The following MYO10 variants were observed in gnomAD, a reference collection of about 807,000 sequenced individuals.
The protein encoded by MYO10 is myosin X.
Under a neutral mutation model 257.3 loss-of-function variants are expected in MYO10, and 133 were observed. That is an observed-to-expected ratio of 0.52 (90% CI 0.45 to 0.60). The LOEUF (loss-of-function observed/expected upper bound fraction) is 0.60. Ranked by LOEUF, MYO10 falls within the 20% of genes least tolerant of loss-of-function variation. The pLI is 0.00. For synonymous variants in MYO10, 1,104 were observed against 1,028.6 expected (o/e 1.07, Z -1.40); for missense variants, 2,399 against 2,635.7 (o/e 0.91, Z 1.97).
chr5:16,768,975 C>G (rs1740965887), intron 10 of MYO10, 99 bp downstream of exon 10: 9 of 1,408,230 alleles, frequency 6.4e-6, no homozygotes. Flanking sequence ...CGCACCTGGC[C>G]AGAATTTTCT....
rs778414804 is a variant in MYO10, at chr5:16,781,806, T to C, written c.626A>G (p.Asn209Ser). Residue 209 changes from asparagine to serine, a missense_variant, in exon 6 of 41, where the codon AAT becomes AGT. Asn to Ser is a conservative substitution (Grantham distance 46, BLOSUM62 1). Transcript: ENST00000513610. ...ESSPIMEAFGNAKTVYNNNSS... is the reference protein window; with the variant it reads ...ESSPIMEAFGSAKTVYNNNSS... Reference sequence around the variant, plus strand: ...GTTGTTGTTGTACACGGTCTTCGCATTGCCGAAAGCTTCCATGATGGGGCT... The same window carrying C: ...GTTGTTGTTGTACACGGTCTTCGCACTGCCGAAAGCTTCCATGATGGGGCT... The C allele has an allele frequency of 6.2e-6, 10 of 1,614,032 alleles. No individual in the cohort carries two copies. The highest frequency in any genetic ancestry group is 1.6e-4 in the Middle Eastern group (1 of 6,062).
Position 16,936,013 on chromosome 5 carries a change from G to T in MYO10, c.-205C>A. The T allele has an allele frequency of 3.3e-6, 2 of 611,828 alleles. No individual in the cohort carries two copies. The highest frequency in any genetic ancestry group is 2.0e-5 in the South Asian group (1 of 50,876). 37.9% of individuals were successfully genotyped at this position (611,828 alleles called of 1,614,324 possible). ...CCCAAGTCCCTAACTCGCCCGTCCC[G>T]ACGGCAGCCTTTGTCTCTTCTTCCT... On this transcript the variant is annotated 5_prime_UTR_variant, in exon 1 of 41. Transcript: ENST00000513610.
At chr5:16,927,357 C>T (rs1185302278) in intron 1 of MYO10, among the ~76,000 whole-genome samples, 1 of 152,166 alleles carries the variant, frequency 6.6e-6, no homozygotes, top group East Asian at 1.9e-4. Flanking sequence ...TGGAGTCTTG[C>T]TCTGTTGCCC....
At chr5:16,858,441 T>TAAAAAA (rs56792705) in intron 2 of MYO10, among the ~76,000 whole-genome samples, 6,979 of 135,128 alleles carry the variant, frequency 0.052, 245 homozygotes, top group Non-Finnish European at 0.082. Context: ...GCTACTTTTG[T>TAAAAAA]AAAAAAAAAA....
In MYO10 at chr5:16,818,172, G is replaced by A. The variant is rs778668019; in HGVS notation, c.121-5C>T. ...GCTCTGCTTGTAAGTGAATACCTGA[G>A]GGAGGGAGAGGAATTCAATTATTTC... On this transcript the variant is annotated splice_polypyrimidine_tract_variant and splice_region_variant and intron_variant, in intron 2 of 40. Coordinates refer to ENST00000513610, the MANE Select transcript of MYO10 (RefSeq NM_012334.3). The A allele has an allele frequency of 1.3e-6, 2 of 1,523,436 alleles. No individual in the cohort carries two copies. The highest frequency in any genetic ancestry group is 3.9e-5 in the Admixed American group (2 of 51,170). 94.4% of individuals were successfully genotyped at this position (1,523,436 alleles called of 1,614,324 possible).
intron 39 of MYO10, among the ~76,000 whole-genome samples, chr5:16,669,495 C>T (rs1057483309): frequency 1.4e-4 from 21 of 152,154 alleles, no homozygotes; most frequent in African/African-American, 2.4e-4. Flanking sequence ...TGAGCCACCG[C>T]GCCCGGCCAA....
intron 1 of MYO10, among the ~76,000 whole-genome samples, chr5:16,884,144 ACT>A (rs1373061659): frequency 6.6e-6 from 1 of 152,148 alleles, no homozygotes; most frequent in East Asian, 1.9e-4. Context: ...TAATCCCAGC[ACT>A]CTGGGAGACC....
At chr5:16,730,636 T>C (rs2126614909) in intron 19 of MYO10, among the ~76,000 whole-genome samples, 1 of 152,206 alleles carries the variant, frequency 6.6e-6, no homozygotes, top group East Asian at 1.9e-4. Context: ...CACGGGGCAG[T>C]GTCAAGTTCA....
intron 2 of MYO10, 70 bp from the exon 3 acceptor site, chr5:16,818,237 A>G: frequency 1.6e-6 from 2 of 1,283,812 alleles, no homozygotes; most frequent in Non-Finnish European, 2.1e-6. Context: ...AGTTTCCCAA[A>G]CTGACAATAC....
Position 16,818,109 on chromosome 5 carries a change from G to T in MYO10, c.179C>A (p.Thr60Lys). ...CATGTCATCCACGCCCTCCTCGTTC[G>T]TGGGGTGCATAGCAGTCACCTTCTG... Reference protein sequence around the residue: ...THQKVTAMHPTNEEGVDDMAS... With the variant: ...THQKVTAMHPKNEEGVDDMAS... The change falls in exon 3 of 41, where the codon ACG (threonine) becomes AAG (lysine). Residue 60 changes from threonine (T) to lysine (K), a missense_variant. Thr to Lys is a moderately conservative substitution (Grantham distance 78). Around this residue, in one of 3 missense-constraint regions of MYO10, gnomAD observed 242 missense variants for 249.5 expected, o/e 0.97. Coordinates refer to ENST00000513610, the MANE Select transcript of MYO10 (RefSeq NM_012334.3). 1 of 1,612,016 alleles carries T rather than the reference G, an allele frequency of 6.2e-7. No individual in the cohort carries two copies. Among genetic ancestry groups the T allele is most frequent in the Non-Finnish European group, 8.5e-7 (1 of 1,178,588 alleles).
intron 19 of MYO10, among the ~76,000 whole-genome samples, chr5:16,747,918 C>CAAAAAAAAAAAAA (rs777257950): frequency 1.2e-3 from 37 of 30,498 alleles, no homozygotes; most frequent in Admixed American, 2.9e-3. Flanking sequence ...AACTCCGTCT[C>CAAAAAAAAAAAAA]AAAAAAAAAA....
At chr5:16,742,824 A>T (rs1250749829) in intron 19 of MYO10, among the ~76,000 whole-genome samples, 2 of 151,462 alleles carry the variant, frequency 1.3e-5, no homozygotes, top group Non-Finnish European at 2.9e-5. Flanking sequence ...AAAAAAAAAA[A>T]TACATACATA....
At chr5:16,684,888 A>T (rs1446472598) in intron 29 of MYO10, among the ~76,000 whole-genome samples, 1 of 152,044 alleles carries the variant, frequency 6.6e-6, no homozygotes, top group Non-Finnish European at 1.5e-5. Context: ...TTCTACTAAA[A>T]TACAAAAAAT....
intron 3 of MYO10, among the ~76,000 whole-genome samples, chr5:16,817,025 C>T (rs7723323): frequency 1.3e-5 from 2 of 151,358 alleles, no homozygotes; most frequent in Non-Finnish European, 2.9e-5. Context: ...TCACCATGTT[C>T]GTCAGGCTTG....
At chr5:16,805,476 A>G (rs1466766436) in intron 3 of MYO10, among the ~76,000 whole-genome samples, 61 of 146,814 alleles carry the variant, frequency 4.2e-4, no homozygotes, top group African/African-American at 1.2e-3. Context: ...AAAAAAAAAA[A>G]AAAAGAAAAG....
chr5:16,905,104 C>T (rs190269799), intron 1 of MYO10, among the ~76,000 whole-genome samples: 1 of 152,120 alleles, frequency 6.6e-6, no homozygotes, highest in Non-Finnish European at 1.5e-5. Flanking sequence ...TGTAACACAC[C>T]GAACATCAGG....
chr5:16,722,926 C>T (rs1739206693), intron 19 of MYO10, among the ~76,000 whole-genome samples: 1 of 152,084 alleles, frequency 6.6e-6, no homozygotes, highest in South Asian at 2.1e-4. Flanking sequence ...AAAATACACA[C>T]TAAGAAAGAC....
At chr5:16,891,563 A>G (rs1745062337) in intron 1 of MYO10, among the ~76,000 whole-genome samples, 1 of 152,150 alleles carries the variant, frequency 6.6e-6, no homozygotes. Flanking sequence ...TGATGGTTGT[A>G]CAATCTTGTG....
At chr5:16,787,937 C>T (rs569313439) in intron 4 of MYO10, among the ~76,000 whole-genome samples, 4 of 152,218 alleles carry the variant, frequency 2.6e-5, no homozygotes, top group Admixed American at 6.5e-5. Flanking sequence ...GGATTACAGG[C>T]GCCTGCCACC....
Sources: allele counts gnomAD v4.1 joint callset (sites outside exome capture counted in the v4.1 genomes callset), GRCh38; gene constraint gnomAD v4.1.1; regional missense constraint gnomAD v4.1.1; transcripts MANE v1.5; gene names NCBI Gene and HGNC (gene_info 2026-07-23, HGNC 2026-07-21).